Variants in FHIT observed in about 807,000 individuals in gnomAD.
The protein encoded by FHIT is fragile histidine triad diadenosine triphosphatase, also known as bis(5'-adenosyl)-triphosphatase.
A neutral mutation model predicts 17.9 loss-of-function variants in FHIT; 19 were observed. That is an observed-to-expected ratio of 1.06 (90% CI 0.74 to 1.56). The LOEUF is 1.56. Among genes scored for constraint, FHIT ranks in the 40% most tolerant of loss-of-function variants. The pLI is 0.00. For missense variants in FHIT, 248 were observed against 189.2 expected (o/e 1.31, Z -1.82); for synonymous variants, 81 against 69.7 (o/e 1.16, Z -0.81).
At position 59,943,287 on chromosome 3, in the gene FHIT, T is replaced by A. The variant is rs1451329675; in HGVS notation, c.280-20873A>T. On this transcript the variant is annotated intron_variant, in intron 7 of 9. Coordinates refer to ENST00000492590, the MANE Select transcript of FHIT (RefSeq NM_002012.4). ...ATTTGCAGGTTGACAGAGTCAATTT[T>A]TTTTTTAAACCTGGGCTCAAAGAGA... Among the ~76,000 whole-genome samples the A allele has an allele frequency of 2.6e-5, 4 of 152,084 alleles. No homozygotes were observed. In the East Asian group the frequency reaches 7.7e-4, roughly 29 times the overall value.
intron 3 of FHIT, among the ~76,000 whole-genome samples, chr3:60,824,755 T>G: frequency 6.6e-6 from 1 of 152,080 alleles, no homozygotes; most frequent in Non-Finnish European, 1.5e-5. Flanking sequence ...GATCTGATGG[T>G]TTAAAACATG....
chr3:60,326,573 C>T lies in FHIT; in HGVS notation c.103+210287G>A, dbSNP rs144478369. ...TGTTGCTGTGTGGCCAGGTTCCTAA[C>T]AGGCCATGGACTGGTCCATGACGCA... On this transcript the variant is annotated intron_variant, in intron 5 of 9. Transcript: ENST00000492590. Among the ~76,000 whole-genome samples, 108 of 152,318 alleles carry T rather than the reference C, an allele frequency of 7.1e-4. 1 individual carries two copies. Among genetic ancestry groups the T allele is most frequent in the African/African-American group, 2.3e-3 (96 of 41,576 alleles).
chr3:60,106,563 C>T (rs781739414), intron 5 of FHIT, among the ~76,000 whole-genome samples: 22 of 152,182 alleles, frequency 1.4e-4, no homozygotes, highest in Non-Finnish European at 2.5e-4. Context: ...TGATTTCAGG[C>T]ACCCACTGGG....
intron 3 of FHIT, among the ~76,000 whole-genome samples, chr3:60,962,540 A>C (rs546374592): frequency 2.0e-5 from 3 of 152,272 alleles, no homozygotes; most frequent in East Asian, 3.9e-4. Context: ...CAGTTTTGCC[A>C]ATTCAGTATG....
At chr3:60,470,743 C>T (rs895398713) in intron 5 of FHIT, among the ~76,000 whole-genome samples, 2 of 152,030 alleles carry the variant, frequency 1.3e-5, no homozygotes, top group Non-Finnish European at 2.9e-5. Flanking sequence ...AGATAAAGTC[C>T]TCTTTACTTT....
At chr3:60,004,136 C>T (rs766600737) in intron 7 of FHIT, among the ~76,000 whole-genome samples, 10 of 152,032 alleles carry the variant, frequency 6.6e-5, no homozygotes, top group Non-Finnish European at 8.8e-5. Flanking sequence ...AATAATAACG[C>T]CTTACATTTA....
At position 59,940,356 on chromosome 3, in the gene FHIT, T is replaced by C. The variant is rs150661568; in HGVS notation, c.280-17942A>G. Among the ~76,000 whole-genome samples, 1,116 of 152,288 alleles carry C rather than the reference T, an allele frequency of 7.3e-3. 9 individuals are homozygous for C. Among genetic ancestry groups the C allele is most frequent in the Admixed American group, 0.012 (177 of 15,298 alleles). ...CACAATTTATTTTTTTAATTTAACTTTCTCTTAAGGACTTTACCATTGTTT... is the reference window on the plus strand; with the variant it reads ...CACAATTTATTTTTTTAATTTAACTCTCTCTTAAGGACTTTACCATTGTTT... On this transcript the variant is annotated intron_variant, in intron 7 of 9. Transcript: ENST00000492590.
chr3:59,823,933 A>C (rs756729808), intron 8 of FHIT, among the ~76,000 whole-genome samples: 11 of 152,180 alleles, frequency 7.2e-5, no homozygotes, highest in Non-Finnish European at 1.5e-4. Context: ...TGATATGATC[A>C]TATACCTAGG....
intron 5 of FHIT, among the ~76,000 whole-genome samples, chr3:60,109,455 G>A (rs1310148402): frequency 6.6e-6 from 1 of 152,058 alleles, no homozygotes; most frequent in Non-Finnish European, 1.5e-5. Flanking sequence ...TCCATGTCTG[G>A]CTTATTCCTA....
At chr3:60,302,374 T>G (rs1170965762) in intron 5 of FHIT, among the ~76,000 whole-genome samples, 1 of 152,112 alleles carries the variant, frequency 6.6e-6, no homozygotes, top group Admixed American at 6.6e-5. Flanking sequence ...ACAACAGGCC[T>G]ACTCCAACCC....
At chr3:60,205,697 A>C (rs1216095855) in intron 5 of FHIT, among the ~76,000 whole-genome samples, 1 of 152,224 alleles carries the variant, frequency 6.6e-6, no homozygotes, top group Non-Finnish European at 1.5e-5. Context: ...CGCAAAGTTC[A>C]GAAATACACA....
chr3:60,289,829 C>A (rs1414860392), intron 5 of FHIT, among the ~76,000 whole-genome samples: 1 of 144 alleles, frequency 6.9e-3, no homozygotes, highest in Non-Finnish European at 0.013. Context: ...TTACACGGAA[C>A]CATTCAGCAG....
intron 5 of FHIT, among the ~76,000 whole-genome samples, chr3:60,133,504 G>C (rs1218698120): frequency 6.6e-6 from 1 of 152,108 alleles, no homozygotes; most frequent in Non-Finnish European, 1.5e-5. Flanking sequence ...TTGTCTACCA[G>C]CTAATGTGAT....
chr3:60,151,279 A>T (rs1300770939), intron 5 of FHIT, among the ~76,000 whole-genome samples: 1 of 152,190 alleles, frequency 6.6e-6, no homozygotes, highest in Non-Finnish European at 1.5e-5. Context: ...TGACTTTATC[A>T]TATCAGTTTA....
chr3:60,176,757 C>T (rs556466260), intron 5 of FHIT, among the ~76,000 whole-genome samples: 2 of 152,038 alleles, frequency 1.3e-5, no homozygotes, highest in South Asian at 2.1e-4. Flanking sequence ...AGATTTAGCA[C>T]GAGGAGGAAG....
At chr3:59,971,745 G>A (rs1268358649) in intron 7 of FHIT, among the ~76,000 whole-genome samples, 1 of 152,134 alleles carries the variant, frequency 6.6e-6, no homozygotes, top group African/African-American at 2.4e-5. Context: ...TTCACTCATT[G>A]TATGACCTTG....
Position 59,912,683 on chromosome 3 carries a change from T to C in FHIT, c.348+9663A>G, listed in dbSNP as rs1169057355. Among the ~76,000 whole-genome samples the C allele has an allele frequency of 2.0e-5, 3 of 152,314 alleles. No homozygotes were observed. The East Asian group carries it at 5.8e-4, about 29-fold the overall frequency. On this transcript the variant is annotated intron_variant, in intron 8 of 9. Transcript: ENST00000492590. ...AAGAGCTTACTAGAAGAAACAATTT[T>C]TTAGAGGGAAAATATATGTTGGAGC...
At chr3:60,968,107 A>G (rs1487373820) in intron 3 of FHIT, among the ~76,000 whole-genome samples, 3 of 152,256 alleles carry the variant, frequency 2.0e-5, no homozygotes, top group East Asian at 1.9e-4. Flanking sequence ...AGGTGTTGCC[A>G]GAATGGCAGC....
At chr3:60,473,848 G>T (rs376717735) in intron 5 of FHIT, among the ~76,000 whole-genome samples, 1 of 152,024 alleles carries the variant, frequency 6.6e-6, no homozygotes, top group Non-Finnish European at 1.5e-5. Context: ...ACTTGAACCC[G>T]GGAGGAGGAG....
Sources: gnomAD v4.1 joint callset for allele counts (sites outside exome capture counted in the v4.1 genomes callset) on GRCh38, gnomAD v4.1.1 for gene constraint, MANE v1.5 for transcripts, NCBI Gene and HGNC (gene_info 2026-07-23, HGNC 2026-07-21) for gene names.